CSMD1: variants seen among roughly 807,000 people sequenced by gnomAD.
CSMD1 encodes the protein CUB and sushi domain-containing protein 1.
A neutral mutation model predicts 417.5 loss-of-function variants in CSMD1; 213 were observed. The observed-to-expected ratio is 0.51, with a 90% CI of 0.46 to 0.57. The LOEUF (loss-of-function observed/expected upper bound fraction) is 0.57. Among genes scored for constraint, CSMD1 ranks in the 20% least tolerant of loss-of-function variants. The pLI, the probability that CSMD1 is intolerant of heterozygous loss-of-function variation, is 0.00. For synonymous variants in CSMD1, 2,862 were observed against 1,736.8 expected (o/e 1.65, Z -16.11); for missense variants, 6,923 against 4,529.7 (o/e 1.53, Z -15.17).
intron 2 of CSMD1, among the ~76,000 whole-genome samples, chr8:4,614,377 G>A (rs1393018439): frequency 6.6e-6 from 1 of 152,156 alleles, no homozygotes; most frequent in Non-Finnish European, 1.5e-5. Context: ...GTGATGATGA[G>A]GTTGACAGAA....
chr8:4,984,130 C>CT (rs1206613872), intron 1 of CSMD1, among the ~76,000 whole-genome samples: 1 of 152,202 alleles, frequency 6.6e-6, no homozygotes, highest in Non-Finnish European at 1.5e-5. Context: ...TCAAAAACTG[C>CT]TTTTCTTTCC....
chr8:3,226,440 G>T (rs529165804), intron 27 of CSMD1, among the ~76,000 whole-genome samples: 1 of 151,918 alleles, frequency 6.6e-6, no homozygotes, highest in Non-Finnish European at 1.5e-5. Flanking sequence ...AAAAATAGCC[G>T]GGCGTGGTGG....
chr8:4,283,530 A>T (rs1422939319), intron 3 of CSMD1, among the ~76,000 whole-genome samples: 1 of 152,218 alleles, frequency 6.6e-6, no homozygotes, highest in East Asian at 1.9e-4. Context: ...AAGGACAATC[A>T]TTTTATAGAA....
At chr8:4,723,062 CAAAAGTG>C (rs1266565676) in intron 1 of CSMD1, among the ~76,000 whole-genome samples, 7 of 152,184 alleles carry the variant, frequency 4.6e-5, no homozygotes, top group African/African-American at 1.7e-4. Flanking sequence ...GATCTCCTTT[CAAAAGTG>C]AATAGAGGTC....
At chr8:3,572,380 G>T (rs984296620) in intron 10 of CSMD1, among the ~76,000 whole-genome samples, 1 of 152,152 alleles carries the variant, frequency 6.6e-6, no homozygotes, top group Admixed American at 6.5e-5. Context: ...GTGGGCAGGA[G>T]AGGGGCTTGG....
intron 65 of CSMD1, among the ~76,000 whole-genome samples, chr8:2,952,590 C>T (rs1446621043): frequency 6.6e-6 from 1 of 152,190 alleles, no homozygotes; most frequent in Non-Finnish European, 1.5e-5. Context: ...ATCTGCTTAG[C>T]CACTGTCAGC....
chr8:3,674,964 C>T (rs190590359), intron 7 of CSMD1, among the ~76,000 whole-genome samples: 100 of 152,264 alleles, frequency 6.6e-4, no homozygotes, highest in Non-Finnish European at 1.4e-3. Context: ...AAAACATAAA[C>T]AGGCACAAAA....
intron 3 of CSMD1, among the ~76,000 whole-genome samples, chr8:4,045,099 G>T (rs1457756878): frequency 6.6e-6 from 1 of 152,184 alleles, no homozygotes; most frequent in Admixed American, 6.5e-5. Flanking sequence ...ACGGGGCACA[G>T]GGAGACACTG....
intron 52 of CSMD1, among the ~76,000 whole-genome samples, chr8:3,005,092 T>A (rs376778629): frequency 6.6e-6 from 1 of 152,108 alleles, no homozygotes; most frequent in Non-Finnish European, 1.5e-5. Context: ...TGAGCCGAGA[T>A]TGCACCACTG....
intron 1 of CSMD1, among the ~76,000 whole-genome samples, chr8:4,742,981 G>C (rs542757094): frequency 1.3e-5 from 2 of 152,248 alleles, no homozygotes; most frequent in South Asian, 2.1e-4. Context: ...GAGAAACATG[G>C]TCAACTGTCA....
chr8:4,750,252 C>T (rs1328821450), intron 1 of CSMD1, among the ~76,000 whole-genome samples: 3 of 150,910 alleles, frequency 2.0e-5, no homozygotes, highest in East Asian at 1.9e-4. Flanking sequence ...TGTGATCCGC[C>T]CGCCTCGGCC....
chr8:3,095,288 T>G (rs2129010164), intron 47 of CSMD1, among the ~76,000 whole-genome samples: 1 of 152,260 alleles, frequency 6.6e-6, no homozygotes, highest in South Asian at 2.1e-4. Flanking sequence ...GCTCTACATT[T>G]TAATTTTTGC....
chr8:4,087,591 A>T (rs184829589), intron 3 of CSMD1, among the ~76,000 whole-genome samples: 2 of 151,886 alleles, frequency 1.3e-5, no homozygotes, highest in African/African-American at 4.8e-5. Flanking sequence ...TTATCTGTCT[A>T]ACTTTCTGTC....
chr8:3,179,093 C>A (rs898450406), intron 37 of CSMD1, among the ~76,000 whole-genome samples: 24 of 150,664 alleles, frequency 1.6e-4, no homozygotes, highest in South Asian at 4.3e-4. Flanking sequence ...GACTACAGGC[C>A]CGCCACCACG....
In CSMD1 at chr8:4,139,041, G is replaced by C. The variant is rs187468869; in HGVS notation, c.416-106942C>G. Among the ~76,000 whole-genome samples, 60 of 152,256 alleles carry C rather than the reference G, an allele frequency of 3.9e-4. 1 individual carries two copies. Among genetic ancestry groups the C allele is most frequent in the African/African-American group, 1.2e-3 (50 of 41,540 alleles). ...ACATATGCTGCATGTTTCAGCACCT[G>C]AGACAGACTTGGGGCCACCAAAAAC... On this transcript the variant is annotated intron_variant, in intron 3 of 69. Transcript: ENST00000635120.
At chr8:4,139,828 T>A (rs1362751170) in intron 3 of CSMD1, among the ~76,000 whole-genome samples, 1 of 150,926 alleles carries the variant, frequency 6.6e-6, no homozygotes, top group Non-Finnish European at 1.5e-5. Context: ...ACAGAGGGCC[T>A]TGGAGCAGAA....
At chr8:4,147,386 C>A (rs1804203832) in intron 3 of CSMD1, among the ~76,000 whole-genome samples, 1 of 152,116 alleles carries the variant, frequency 6.6e-6, no homozygotes, top group African/African-American at 2.4e-5. Context: ...CTCTCCTCCA[C>A]ACTGCCTTCC....
intron 2 of CSMD1, among the ~76,000 whole-genome samples, chr8:4,451,647 A>AC (rs1799151587): frequency 6.6e-6 from 1 of 152,170 alleles, no homozygotes; most frequent in African/African-American, 2.4e-5. Context: ...TAATGTTAGG[A>AC]TACATTCCTT....
At chr8:3,182,177 G>A (rs761571081) in intron 36 of CSMD1, among the ~76,000 whole-genome samples, 22 of 152,270 alleles carry the variant, frequency 1.4e-4, no homozygotes, top group African/African-American at 5.3e-4. Context: ...ATTCCAAACA[G>A]ATGAACATTA....
Sources: gnomAD v4.1 joint callset for allele counts (sites outside exome capture counted in the v4.1 genomes callset) on GRCh38, gnomAD v4.1.1 for gene constraint, MANE v1.5 for transcripts, NCBI Gene and HGNC (gene_info 2026-07-23, HGNC 2026-07-21) for gene names.